SLC6A6: variants seen among roughly 807,000 people sequenced by gnomAD.
The protein encoded by SLC6A6 is sodium- and chloride-dependent taurine transporter.
In SLC6A6, 16 loss-of-function variants were observed where a neutral mutation model predicts 68.8. The ratio of observed to expected loss-of-function variants is 0.23; its 90% CI spans 0.16 to 0.35. The LOEUF (loss-of-function observed/expected upper bound fraction) is 0.35, where lower values mean the gene tolerates loss of function less well. Among genes scored for constraint, SLC6A6 ranks in the 10% least tolerant of loss-of-function variants. The probability of loss-of-function intolerance (pLI) is 1.00; values close to 1 mark genes in which losing one functional copy is unlikely to be tolerated. For missense variants in SLC6A6, 474 were observed against 802.8 expected, an observed-to-expected ratio of 0.59 and a Z score of 4.95; for synonymous variants, 312 against 315.4, an observed-to-expected ratio of 0.99 and a Z score of 0.12.
intron 6 of SLC6A6, among the ~76,000 whole-genome samples, chr3:14,465,752 A>G (rs922747760): frequency 6.6e-6 from 1 of 152,358 alleles, no homozygotes; most frequent in Admixed American, 6.5e-5. Flanking sequence ...CCTGCATGCA[A>G]TGGGCACATG....
chr3:14,452,387 A>G (rs1700273106), intron 5 of SLC6A6, among the ~76,000 whole-genome samples: 1 of 152,188 alleles, frequency 6.6e-6, no homozygotes, highest in African/African-American at 2.4e-5. Context: ...GGGCCACGGG[A>G]CACTGACGAT....
Position 14,485,855 on chromosome 3 carries a change from G to A in SLC6A6, c.*848G>A, listed in dbSNP as rs2327896. ...TAGAGATCCAAGAAGGCTGGCAGGA[G>A]TGAGGCTCACAACTCAGCCTCGCAA... On this transcript the variant is annotated 3_prime_UTR_variant, in exon 15 of 15. Transcript: ENST00000622186. The A allele has an allele frequency of 0.87, 132,973 of 152,450 alleles. 58,721 individuals carry two copies. The highest frequency in any genetic ancestry group is 0.99 in the East Asian group (5,102 of 5,172). The allele number at this position is 152,450 out of a possible 1,614,324, so 9.4% of individuals were successfully genotyped here.
intron 6 of SLC6A6, among the ~76,000 whole-genome samples, chr3:14,462,161 G>A (rs1016265460): frequency 2.6e-5 from 4 of 152,194 alleles, no homozygotes; most frequent in African/African-American, 9.7e-5. Flanking sequence ...TGGGGATCCC[G>A]GGGGAGCCAC....
At chr3:14,446,480 T>G (rs1700123544) in intron 4 of SLC6A6, among the ~76,000 whole-genome samples, 1 of 152,258 alleles carries the variant, frequency 6.6e-6, no homozygotes, top group South Asian at 2.1e-4. Flanking sequence ...GTGGCAGGAA[T>G]CTATGGAAGT....
At chr3:14,457,798 G>A (rs1559304998) in intron 5 of SLC6A6, 152 bp from the exon 6 acceptor site, 1 of 665,028 alleles carries the variant, frequency 1.5e-6, no homozygotes. Flanking sequence ...CAAGACAAAT[G>A]GGGATTCCTG....
At chr3:14,462,790 A>G (rs151052836) in intron 6 of SLC6A6, among the ~76,000 whole-genome samples, 54 of 152,304 alleles carry the variant, frequency 3.5e-4, no homozygotes, top group African/African-American at 1.2e-3. Context: ...TGCATTTTCC[A>G]TAGGGTAGAG....
rs1389920231 is a variant in SLC6A6 at position 14,445,737 on chromosome 3, T to C, written c.250T>C (p.Phe84Leu). ...NGGGAFLIPY[F>L]IFLFGSGLPV... Reference sequence around the variant, plus strand: ...TGCAGGTGCGTTTCTCATACCGTATTTTATTTTCCTGTTTGGGAGCGGCCT... The same window carrying C: ...TGCAGGTGCGTTTCTCATACCGTATCTTATTTTCCTGTTTGGGAGCGGCCT... Residue 84 changes from phenylalanine to leucine, a missense_variant, in exon 4 of 15, where the codon TTT (phenylalanine) becomes CTT (leucine). Coordinates refer to ENST00000622186, the MANE Select transcript of SLC6A6 (RefSeq NM_003043.6). 3.7e-6 allele frequency: 6 copies of C among 1,614,140 alleles called. No individual in the cohort carries two copies. In the African/African-American group the frequency reaches 8.0e-5, roughly 22 times the overall value.
chr3:14,456,340 T>C, intron 5 of SLC6A6, among the ~76,000 whole-genome samples: 1 of 152,210 alleles, frequency 6.6e-6, no homozygotes, highest in East Asian at 1.9e-4. Flanking sequence ...AGTGGGAGTA[T>C]TTCACGGATC....
intron 1 of SLC6A6, among the ~76,000 whole-genome samples, chr3:14,413,461 C>T (rs1170263712): frequency 6.6e-6 from 1 of 152,220 alleles, no homozygotes; most frequent in Non-Finnish European, 1.5e-5. Context: ...CTGTCCTCAG[C>T]AAACTGGGAA....
chr3:14,425,702 T>TG (rs1699579651), intron 2 of SLC6A6, among the ~76,000 whole-genome samples: 1 of 23,464 alleles, frequency 4.3e-5, no homozygotes, highest in Non-Finnish European at 8.2e-5. Context: ...GAGGGGTGGG[T>TG]GGGGGACTCG....
chr3:14,443,435 G>C lies in SLC6A6; in HGVS notation c.-11-189G>C, dbSNP rs191836323. On this transcript the variant is annotated intron_variant, in intron 2 of 14. Transcript: ENST00000622186. ...CCACAGCCTGAATCTTGAGGTCCCT[G>C]GTCCATGAAGGGGTCTGAATGACTC... Among the ~76,000 whole-genome samples the C allele has an allele frequency of 1.1e-3, 170 of 152,260 alleles. 1 individual carries two copies. Among genetic ancestry groups the C allele is most frequent in the African/African-American group, 3.3e-3 (139 of 41,544 alleles).
chr3:14,417,449 A>G (rs1343680877), intron 2 of SLC6A6, among the ~76,000 whole-genome samples: 1 of 151,816 alleles, frequency 6.6e-6, no homozygotes, highest in Non-Finnish European at 1.5e-5. Context: ...GAGCAAGGCC[A>G]GGCCGGGCGC....
chr3:14,463,939 C>T (rs552800492), intron 6 of SLC6A6, among the ~76,000 whole-genome samples: 40 of 152,324 alleles, frequency 2.6e-4, no homozygotes, highest in African/African-American at 8.7e-4. Flanking sequence ...GCAAGGTCAG[C>T]GTTCCCTTAT....
At chr3:14,463,817 GCC>G (rs1388538532) in intron 6 of SLC6A6, among the ~76,000 whole-genome samples, 1 of 152,220 alleles carries the variant, frequency 6.6e-6, no homozygotes, top group African/African-American at 2.4e-5. Context: ...AACAAAGGAC[GCC>G]CGGGGGCAGA....
chr3:14,422,736 C>T (rs773806611), intron 2 of SLC6A6, among the ~76,000 whole-genome samples: 2 of 152,232 alleles, frequency 1.3e-5, no homozygotes, highest in African/African-American at 2.4e-5. Flanking sequence ...AAATCCCTAC[C>T]CTCACTCCTC....
intron 2 of SLC6A6, among the ~76,000 whole-genome samples, chr3:14,439,426 C>T (rs1024905826): frequency 5.3e-5 from 8 of 152,196 alleles, no homozygotes; most frequent in African/African-American, 1.7e-4. Context: ...CACCTGCCTG[C>T]GTGTGTGTCA....
intron 1 of SLC6A6, among the ~76,000 whole-genome samples, chr3:14,405,089 G>A (rs893493654): frequency 1.3e-5 from 2 of 152,216 alleles, no homozygotes; most frequent in African/African-American, 4.8e-5. Flanking sequence ...GTGAGTTTTG[G>A]CCCCATGGGG....
Position 14,484,976 on chromosome 3 carries a change from C to T in SLC6A6, c.1832C>T (p.Pro611Leu), listed in dbSNP as rs1701110668. 3 of 1,613,092 alleles carry T rather than the reference C, an allele frequency of 1.9e-6. No homozygotes were observed. Among genetic ancestry groups the T allele is most frequent in the South Asian group, 1.1e-5 (1 of 90,970 alleles). ...RTVMNGALVK[P>L]THIIVETMM is the part of the protein sequence containing the mutation. ...GTCATGAACGGCGCTCTCGTGAAAC[C>T]GACCCACATCATTGTGGAGACCATG... is the stretch of plus-strand genomic sequence containing the variant. The change falls in exon 15 of 15, where the codon CCG becomes CTG. Residue 611 changes from proline (P) to leucine (L), a missense_variant. Physicochemically the swap from Pro to Leu is moderately conservative, Grantham distance 98 (BLOSUM62 -3). This residue lies in a region of SLC6A6 where 194 missense variants were observed against 269.8 expected (regional missense o/e 0.72). Transcript: ENST00000622186.
At chr3:14,431,831 C>G (rs1442604179) in intron 2 of SLC6A6, among the ~76,000 whole-genome samples, 1 of 151,942 alleles carries the variant, frequency 6.6e-6, no homozygotes, top group Non-Finnish European at 1.5e-5. Flanking sequence ...GAAAGTACAT[C>G]CTCGTCAGGG....
Sources: allele counts gnomAD v4.1 joint callset (sites outside exome capture counted in the v4.1 genomes callset), GRCh38; gene constraint gnomAD v4.1.1; regional missense constraint gnomAD v4.1.1; transcripts MANE v1.5; gene names NCBI Gene and HGNC (gene_info 2026-07-23, HGNC 2026-07-21).